Variants in RYR2 observed in about 807,000 individuals in gnomAD.
RYR2 encodes cardiac muscle ryanodine receptor-calcium release channel.
A neutral mutation model predicts 601.1 loss-of-function variants in RYR2; 227 were observed. That is an observed-to-expected ratio of 0.38 (90% CI 0.34 to 0.42). The LOEUF (loss-of-function observed/expected upper bound fraction) is 0.42. RYR2 is among the 10% of genes least tolerant of loss of function. RYR2 has a pLI of 1.00. For synonymous variants in RYR2, 2,223 were observed against 2,175.1 expected (o/e 1.02, Z -0.61); for missense variants, 4,646 against 6,156.5 (o/e 0.75, Z 8.21).
At chr1:237,517,918 T>C (rs552349149) in intron 24 of RYR2, among the ~76,000 whole-genome samples, 7 of 152,228 alleles carry the variant, frequency 4.6e-5, no homozygotes, top group African/African-American at 1.7e-4. Flanking sequence ...CAAATGTACC[T>C]CAAACTTTGT....
chr1:237,420,995 C>T (rs1454723818), intron 11 of RYR2, among the ~76,000 whole-genome samples: 2 of 152,210 alleles, frequency 1.3e-5, no homozygotes, highest in African/African-American at 2.4e-5. Flanking sequence ...AATCCCATCA[C>T]TTTGGGAGGC....
intron 65 of RYR2, 57 bp from the exon 66 acceptor site, chr1:237,701,921 A>C: frequency 1.1e-6 from 1 of 947,758 alleles, no homozygotes; most frequent in Non-Finnish European, 1.7e-6. Flanking sequence ...AAGCTTTCTC[A>C]GGACAATGTA....
intron 24 of RYR2, 80 bp downstream of exon 24, chr1:237,511,871 G>T (rs1665954046): frequency 1.3e-5 from 11 of 821,464 alleles, no homozygotes; most frequent in Non-Finnish European, 2.0e-5. Flanking sequence ...AGGTATTGAT[G>T]CTATATGTTA....
intron 97 of RYR2, among the ~76,000 whole-genome samples, chr1:237,800,372 C>G (rs778420086): frequency 6.6e-5 from 10 of 151,196 alleles, no homozygotes; most frequent in Admixed American, 5.3e-4. Context: ...TTTAAAGGCT[C>G]CTGTGATAAT....
At chr1:237,466,009 A>G (rs952495823) in intron 16 of RYR2, among the ~76,000 whole-genome samples, 3 of 152,182 alleles carry the variant, frequency 2.0e-5, no homozygotes, top group Non-Finnish European at 2.9e-5. Flanking sequence ...TGACATTTCA[A>G]TATTACTCAT....
At chr1:237,771,527 A>G (rs1694276219) in intron 85 of RYR2, among the ~76,000 whole-genome samples, 2 of 152,130 alleles carry the variant, frequency 1.3e-5, no homozygotes, top group South Asian at 4.1e-4. Flanking sequence ...TACATACTTC[A>G]TTGTACTAGT....
rs572162756 is a variant in RYR2, at chr1:237,477,686, A to G, written c.1708+8499A>G. Among the ~76,000 whole-genome samples the G allele has an allele frequency of 4.6e-5, 7 of 152,288 alleles. No individual in the cohort carries two copies. In the East Asian group the frequency reaches 1.4e-3, roughly 29 times the overall value. On this transcript the variant is annotated intron_variant, in intron 17 of 104. Coordinates refer to ENST00000366574, the MANE Select transcript of RYR2 (RefSeq NM_001035.3). ...AAGTTTAAGTGTCTGTTACCTACCT[A>G]AGGTACATTGTCATGGCTTAAAGCC...
intron 2 of RYR2, among the ~76,000 whole-genome samples, chr1:237,323,037 A>T (rs1695785717): frequency 6.6e-6 from 1 of 152,158 alleles, no homozygotes; most frequent in Non-Finnish European, 1.5e-5. Flanking sequence ...TGAATTTAGT[A>T]GTAAGACTCC....
At chr1:237,779,085 G>A (rs1216556474) in intron 88 of RYR2, among the ~76,000 whole-genome samples, 1 of 152,080 alleles carries the variant, frequency 6.6e-6, no homozygotes, top group Non-Finnish European at 1.5e-5. Context: ...TCATCTTCCT[G>A]GCCATTGCTC....
chr1:237,446,789 G>T (rs886134153), intron 14 of RYR2, among the ~76,000 whole-genome samples: 2 of 152,038 alleles, frequency 1.3e-5, no homozygotes, highest in Non-Finnish European at 2.9e-5. Flanking sequence ...ATCGAATGGG[G>T]TATGCACCAC....
intron 1 of RYR2, among the ~76,000 whole-genome samples, chr1:237,124,276 A>G (rs141261193): frequency 1.3e-5 from 2 of 152,308 alleles, no homozygotes; most frequent in Non-Finnish European, 2.9e-5. Context: ...GAGGTCATCT[A>G]TTCTAACATC....
At chr1:237,828,563 G>T (rs1663416817) in intron 102 of RYR2, 118 bp downstream of exon 102, 1 of 569,320 alleles carries the variant, frequency 1.8e-6, no homozygotes, top group Non-Finnish European at 3.1e-6. Flanking sequence ...CACAACTTGT[G>T]GTTTCACTGG....
chr1:237,548,613 T>G (rs1040955766), intron 26 of RYR2, 23 bp downstream of exon 26: 4 of 1,608,814 alleles, frequency 2.5e-6, no homozygotes, highest in Non-Finnish European at 3.4e-6. Context: ...TAGCATTTGG[T>G]CTGAGACTTA....
chr1:237,810,421 A>G (rs1661132061), intron 100 of RYR2, among the ~76,000 whole-genome samples: 1 of 152,330 alleles, frequency 6.6e-6, no homozygotes, highest in South Asian at 2.1e-4. Context: ...CAATGAAAAA[A>G]ACACTTTTTA....
intron 1 of RYR2, among the ~76,000 whole-genome samples, chr1:237,064,305 G>A (rs57148162): frequency 0.2 from 30,526 of 151,930 alleles, 3,180 homozygotes; most frequent in African/African-American, 0.25. Flanking sequence ...ATTTTGAGCT[G>A]TTTTATTTTT....
chr1:237,137,504 A>T (rs748637923), intron 1 of RYR2, among the ~76,000 whole-genome samples: 4 of 152,218 alleles, frequency 2.6e-5, no homozygotes, highest in Non-Finnish European at 5.9e-5. Flanking sequence ...AGACTTGACA[A>T]GAATGTCAAA....
chr1:237,527,125 T>C (rs1381852492), intron 24 of RYR2, among the ~76,000 whole-genome samples: 3 of 152,240 alleles, frequency 2.0e-5, no homozygotes, highest in Non-Finnish European at 4.4e-5. Flanking sequence ...TATGTGGCTT[T>C]ATTTTTGGGT....
At chr1:237,296,608 T>C (rs1355334525) in intron 2 of RYR2, among the ~76,000 whole-genome samples, 1 of 152,196 alleles carries the variant, frequency 6.6e-6, no homozygotes, top group Non-Finnish European at 1.5e-5. Context: ...TGAGTGAAGA[T>C]GTCAAGTAAG....
At position 237,491,786 on chromosome 1, in the gene RYR2, T is replaced by C. The variant is rs1264636176; in HGVS notation, c.1709-20T>C. On this transcript the variant is annotated intron_variant, in intron 17 of 104. Coordinates refer to ENST00000366574, the MANE Select transcript of RYR2 (RefSeq NM_001035.3). ...AATTAATCATGTGTTTTTTTTCCTC[T>C]TTCTTTGTTTTATCTTTAGGCATTC... The C allele has an allele frequency of 1.7e-6, 2 of 1,183,482 alleles. No individual in the cohort carries two copies. Among genetic ancestry groups the C allele is most frequent in the Admixed American group, 2.0e-5 (1 of 49,162 alleles). 73.3% of individuals were successfully genotyped at this position (1,183,482 alleles called of 1,614,324 possible).
Sources: allele counts gnomAD v4.1 joint callset (sites outside exome capture counted in the v4.1 genomes callset), GRCh38; gene constraint gnomAD v4.1.1; transcripts MANE v1.5; gene names NCBI Gene and HGNC (gene_info 2026-07-23, HGNC 2026-07-21).